The following EXOC4 variants were observed in gnomAD, a reference collection of about 807,000 sequenced individuals.
EXOC4 encodes exocyst complex component 4.
In EXOC4, 71 loss-of-function variants were observed where a neutral mutation model predicts 107.2. The observed-to-expected ratio is 0.66, with a 90% CI of 0.55 to 0.81. The LOEUF is 0.81. EXOC4 is among the 30% of genes least tolerant of loss of function. The probability of loss-of-function intolerance (pLI) is 0.00; values close to 1 mark genes in which losing one functional copy is unlikely to be tolerated. For synonymous variants in EXOC4, 456 were observed against 441.2 expected (o/e 1.03, Z -0.42); for missense variants, 1,108 against 1,189.6 (o/e 0.93, Z 1.01).
intron 17 of EXOC4, among the ~76,000 whole-genome samples, chr7:134,036,528 C>T (rs1795394214): frequency 6.6e-6 from 1 of 152,098 alleles, no homozygotes. Context: ...GTTGAGGCTG[C>T]AGTGAGCCAT....
intron 10 of EXOC4, among the ~76,000 whole-genome samples, chr7:133,719,654 A>C (rs1213123629): frequency 6.6e-6 from 1 of 152,064 alleles, no homozygotes; most frequent in Non-Finnish European, 1.5e-5. Context: ...TTAAGAAGTA[A>C]TCAAGATTAT....
chr7:133,693,195 C>T (rs1739583095), intron 10 of EXOC4, among the ~76,000 whole-genome samples: 1 of 152,202 alleles, frequency 6.6e-6, no homozygotes, highest in Non-Finnish European at 1.5e-5. Flanking sequence ...GCCAACAGTG[C>T]ACCCTTCAGT....
chr7:133,625,660 A>G (rs1802435751), intron 9 of EXOC4, among the ~76,000 whole-genome samples: 2 of 152,202 alleles, frequency 1.3e-5, no homozygotes. Flanking sequence ...GAACACTAAG[A>G]TGTTGTCATT....
At chr7:133,637,470 T>C (rs978586757) in intron 10 of EXOC4, among the ~76,000 whole-genome samples, 2 of 152,208 alleles carry the variant, frequency 1.3e-5, no homozygotes, top group African/African-American at 4.8e-5. Context: ...TGCATGTTTG[T>C]TCTTAATGAG....
At chr7:133,643,197 G>T (rs11762935) in intron 10 of EXOC4, among the ~76,000 whole-genome samples, 63,923 of 151,976 alleles carry the variant, frequency 0.42, 14,393 homozygotes, top group Admixed American at 0.56. Flanking sequence ...ACAATAGCCT[G>T]CAGGCTGGGG....
intron 11 of EXOC4, among the ~76,000 whole-genome samples, chr7:133,861,385 G>A (rs1293794203): frequency 6.6e-6 from 1 of 152,064 alleles, no homozygotes; most frequent in East Asian, 1.9e-4. Context: ...TGACAAACCT[G>A]CACATGTGCC....
intron 5 of EXOC4, among the ~76,000 whole-genome samples, chr7:133,319,879 G>T: frequency 8.0e-6 from 1 of 125,548 alleles, no homozygotes; most frequent in South Asian, 2.5e-4. Context: ...CAAAAAAGAA[G>T]GTAAAAATAT....
chr7:133,317,893 G>A (rs1795027628), intron 5 of EXOC4, among the ~76,000 whole-genome samples: 1 of 151,990 alleles, frequency 6.6e-6, no homozygotes, highest in African/African-American at 2.4e-5. Flanking sequence ...TGTTGGCCAG[G>A]CTGGTCTCAA....
At chr7:134,070,592 C>T (rs559933160), downstream of EXOC4, among the ~76,000 whole-genome samples, 2 of 152,052 alleles carry the variant, frequency 1.3e-5, no homozygotes, top group South Asian at 2.1e-4. Context: ...TGTGATGAAA[C>T]GTACACCATG....
At chr7:133,617,280 C>T (rs1802215729) in intron 9 of EXOC4, among the ~76,000 whole-genome samples, 1 of 152,074 alleles carries the variant, frequency 6.6e-6, no homozygotes, top group Admixed American at 6.6e-5. Context: ...AATCCAAAGA[C>T]ACTTGCACTG....
chr7:133,810,368 C>A (rs897905630), intron 10 of EXOC4, among the ~76,000 whole-genome samples: 4 of 152,056 alleles, frequency 2.6e-5, no homozygotes, highest in African/African-American at 4.8e-5. Context: ...CCCTTGATAG[C>A]AATCAAATCA....
At chr7:133,425,107 C>T (rs1207199220) in intron 7 of EXOC4, among the ~76,000 whole-genome samples, 1 of 152,138 alleles carries the variant, frequency 6.6e-6, no homozygotes, top group Non-Finnish European at 1.5e-5. Context: ...GGGACAGGAA[C>T]TTCAAAGACA....
At chr7:133,360,200 G>T (rs1295124424) in intron 6 of EXOC4, among the ~76,000 whole-genome samples, 1 of 152,180 alleles carries the variant, frequency 6.6e-6, no homozygotes, top group South Asian at 2.1e-4. Context: ...TCTGATTCAT[G>T]AGTATTTTTA....
chr7:133,978,332 G>A (rs1197082183), intron 14 of EXOC4, among the ~76,000 whole-genome samples: 1 of 152,158 alleles, frequency 6.6e-6, no homozygotes, highest in Non-Finnish European at 1.5e-5. Context: ...ACAGAGATTA[G>A]GAACTCTGCA....
At chr7:133,791,371 C>G (rs972868304) in intron 10 of EXOC4, among the ~76,000 whole-genome samples, 74 of 152,248 alleles carry the variant, frequency 4.9e-4, no homozygotes, top group Non-Finnish European at 8.2e-4. Context: ...ATTGTATGCT[C>G]CATAGAAATA....
At chr7:133,732,581 C>G (rs767206579) in intron 10 of EXOC4, 1 of 153,166 alleles carries the variant, frequency 6.5e-6, no homozygotes, top group Non-Finnish European at 1.5e-5. Context: ...TCCAGAACCA[C>G]TACCTTCACC....
At chr7:133,428,502 A>T (rs1466682608) in intron 7 of EXOC4, among the ~76,000 whole-genome samples, 1 of 152,174 alleles carries the variant, frequency 6.6e-6, no homozygotes, top group African/African-American at 2.4e-5. Context: ...CTCTGTGCTA[A>T]TATTCTATTC....
At chr7:133,773,615 G>C (rs1189040441) in intron 10 of EXOC4, among the ~76,000 whole-genome samples, 2 of 151,764 alleles carry the variant, frequency 1.3e-5, no homozygotes, top group Non-Finnish European at 2.9e-5. Context: ...AAAATATCTG[G>C]GTACTTTTTG....
chr7:133,650,677 A>C (rs1408663473), intron 10 of EXOC4, among the ~76,000 whole-genome samples: 1 of 152,158 alleles, frequency 6.6e-6, no homozygotes, highest in Non-Finnish European at 1.5e-5. Context: ...AAGACTTTAC[A>C]CTAATAATCC....
Sources: allele counts gnomAD v4.1 joint callset (sites outside exome capture counted in the v4.1 genomes callset), GRCh38; gene constraint gnomAD v4.1.1; transcripts MANE v1.5; gene names NCBI Gene and HGNC (gene_info 2026-07-23, HGNC 2026-07-21).